Variants in EXOC4 observed in about 807,000 individuals in gnomAD.
EXOC4 encodes exocyst complex component 4.
A neutral mutation model predicts 107.2 loss-of-function variants in EXOC4; 71 were observed. That is an observed-to-expected ratio of 0.66 (90% CI 0.55 to 0.81). The LOEUF (loss-of-function observed/expected upper bound fraction) is 0.81, where lower values mean the gene tolerates loss of function less well. EXOC4 is among the 30% of genes least tolerant of loss of function. The pLI is 0.00. For missense variants in EXOC4, 1,108 were observed against 1,189.6 expected, an observed-to-expected ratio of 0.93 and a Z score of 1.01; for synonymous variants, 456 against 441.2, an observed-to-expected ratio of 1.03 and a Z score of -0.42.
At chr7:133,354,758 A>G (rs961053023) in intron 5 of EXOC4, among the ~76,000 whole-genome samples, 1 of 152,200 alleles carries the variant, frequency 6.6e-6, no homozygotes, top group Non-Finnish European at 1.5e-5. Context: ...GTACTCCAGG[A>G]ACAGGTACAG....
chr7:133,358,928 C>T (rs2150663024), intron 6 of EXOC4, among the ~76,000 whole-genome samples: 1 of 152,144 alleles, frequency 6.6e-6, no homozygotes, highest in Admixed American at 6.5e-5. Flanking sequence ...GATTTTTTTC[C>T]CTGTTAAGTG....
At chr7:134,023,850 C>A (rs571478322) in intron 17 of EXOC4, among the ~76,000 whole-genome samples, 1 of 152,214 alleles carries the variant, frequency 6.6e-6, no homozygotes, top group South Asian at 2.1e-4. Context: ...GTATAGTCGA[C>A]CTGCAGGGTA....
intron 9 of EXOC4, among the ~76,000 whole-genome samples, chr7:133,505,268 C>G (rs1799646492): frequency 6.6e-6 from 1 of 152,056 alleles, no homozygotes; most frequent in African/African-American, 2.4e-5. Context: ...CTTAATGATT[C>G]CCAGGAACCA....
chr7:134,046,094 T>G (rs1007540471), intron 17 of EXOC4, among the ~76,000 whole-genome samples: 4 of 152,252 alleles, frequency 2.6e-5, no homozygotes, highest in Non-Finnish European at 4.4e-5. Context: ...ATACACACAG[T>G]AAACTGCACA....
intron 10 of EXOC4, among the ~76,000 whole-genome samples, chr7:133,719,807 G>A (rs1037997370): frequency 2.6e-5 from 4 of 152,048 alleles, no homozygotes; most frequent in East Asian, 1.9e-4. Context: ...TTAATGTAGC[G>A]AGCCAGAGTT....
chr7:133,726,172 G>A (rs532461129), intron 10 of EXOC4, among the ~76,000 whole-genome samples: 1 of 152,198 alleles, frequency 6.6e-6, no homozygotes, highest in African/African-American at 2.4e-5. Flanking sequence ...CTCCTAGAGA[G>A]AGAATTTGAC....
the EXOC4 span, among the ~76,000 whole-genome samples, chr7:134,080,792 A>G: frequency 2.0e-5 from 3 of 151,988 alleles, no homozygotes; most frequent in African/African-American, 4.8e-5. Flanking sequence ...ATATATATAT[A>G]AAAATTAGCC....
Position 133,356,421 on chromosome 7 carries a change from C to T in EXOC4, c.855C>T (p.Gly285=), listed in dbSNP as rs755224502. The T allele has an allele frequency of 6.2e-7, 1 of 1,614,066 alleles. No homozygotes were observed. The highest frequency in any genetic ancestry group is 1.1e-5 in the South Asian group (1 of 91,078). The part of the protein sequence containing the change: ...STLFMGILIK[G]LAKLKKIPET... ...TGTTTATGGGTATCCTCATTAAGGG[C>T]TTGGCGAAACTGAAGAAGATCCCAG... Residue 285 remains glycine (G), a synonymous_variant, in exon 6 of 18, where the codon GGC becomes GGT. Coordinates refer to ENST00000253861, the MANE Select transcript of EXOC4 (RefSeq NM_021807.4).
chr7:133,670,875 G>A (rs1031990423), intron 10 of EXOC4, among the ~76,000 whole-genome samples: 3 of 152,186 alleles, frequency 2.0e-5, no homozygotes, highest in Admixed American at 6.5e-5. Context: ...AATGGGAGGG[G>A]CAGACAATAA....
rs548995403 is a variant in EXOC4 at position 133,309,087 on chromosome 7, C to T, written c.656+3026C>T. ...GGGACATAGATTGGTGCCATCGAGC[C>T]GTCCTAGACACAAGGTGACCTTGAG... On this transcript the variant is annotated intron_variant, in intron 4 of 17. Transcript: ENST00000253861. Among the ~76,000 whole-genome samples the T allele has an allele frequency of 3.9e-5, 6 of 152,226 alleles. No individual in the cohort carries two copies. The South Asian group carries it at 6.2e-4, about 16-fold the overall frequency.
At chr7:133,263,249 T>C (rs900399411) in intron 1 of EXOC4, among the ~76,000 whole-genome samples, 3 of 152,148 alleles carry the variant, frequency 2.0e-5, no homozygotes, top group African/African-American at 7.2e-5. Context: ...CAAAATCACA[T>C]GTGTGCCATA....
At chr7:133,335,879 A>C (rs931263737) in intron 5 of EXOC4, among the ~76,000 whole-genome samples, 1 of 152,184 alleles carries the variant, frequency 6.6e-6, no homozygotes, top group Non-Finnish European at 1.5e-5. Context: ...GATAGTAGCT[A>C]TCCTAATGGG....
intron 14 of EXOC4, among the ~76,000 whole-genome samples, chr7:133,968,278 G>A (rs1280619241): frequency 6.6e-6 from 1 of 152,088 alleles, no homozygotes; most frequent in Non-Finnish European, 1.5e-5. Flanking sequence ...ACACCAATGG[G>A]TCTTGACTCT....
intron 7 of EXOC4, among the ~76,000 whole-genome samples, chr7:133,467,242 A>G (rs1798752585): frequency 7.5e-6 from 1 of 134,180 alleles, no homozygotes; most frequent in African/African-American, 2.7e-5. Context: ...TTTTTTTTGC[A>G]GAATGACTGA....
At chr7:133,396,765 C>G (rs1479171675) in intron 7 of EXOC4, among the ~76,000 whole-genome samples, 1 of 152,158 alleles carries the variant, frequency 6.6e-6, no homozygotes, top group Non-Finnish European at 1.5e-5. Flanking sequence ...TACAGAGAAG[C>G]TTCCCACTTC....
At chr7:133,290,987 G>T (rs1216929666) in intron 3 of EXOC4, 2 of 152,106 alleles carry the variant, frequency 1.3e-5, no homozygotes, top group Non-Finnish European at 2.9e-5. Context: ...AAAACAGGGG[G>T]CATAGGCTAT....
At chr7:133,995,489 T>C (rs1794368016) in intron 14 of EXOC4, among the ~76,000 whole-genome samples, 1 of 152,216 alleles carries the variant, frequency 6.6e-6, no homozygotes, top group Non-Finnish European at 1.5e-5. Flanking sequence ...GCTTTCCCTC[T>C]AGCCTGTTCC....
chr7:133,323,657 T>G (rs1013281462), intron 5 of EXOC4, among the ~76,000 whole-genome samples: 6 of 152,232 alleles, frequency 3.9e-5, no homozygotes, highest in Non-Finnish European at 8.8e-5. Context: ...TCAGGGATAT[T>G]GGTCTAAAAT....
chr7:133,447,722 A>C (rs1035223494), intron 7 of EXOC4, among the ~76,000 whole-genome samples: 1 of 152,098 alleles, frequency 6.6e-6, no homozygotes, highest in Non-Finnish European at 1.5e-5. Flanking sequence ...CCCAGGGATA[A>C]TTTTTAACCT....
Sources: allele counts gnomAD v4.1 joint callset (sites outside exome capture counted in the v4.1 genomes callset), GRCh38; gene constraint gnomAD v4.1.1; transcripts MANE v1.5; gene names NCBI Gene and HGNC (gene_info 2026-07-23, HGNC 2026-07-21).